The following GART variants were observed in gnomAD, a reference collection of about 807,000 sequenced individuals.
The protein encoded by GART is trifunctional purine biosynthetic protein adenosine-3.
GART carries 43 observed loss-of-function variants against 107.2 expected under a neutral mutation model. That is an observed-to-expected ratio of 0.40 (90% CI 0.31 to 0.52). The LOEUF (loss-of-function observed/expected upper bound fraction) is 0.52, where lower values mean the gene tolerates loss of function less well. Ranked by LOEUF, GART falls within the 20% of genes least tolerant of loss-of-function variation. GART has a pLI of 0.52. For missense variants in GART, 1,107 were observed against 1,206.5 expected, an observed-to-expected ratio of 0.92 and a Z score of 1.22; for synonymous variants, 434 against 427.0, an observed-to-expected ratio of 1.02 and a Z score of -0.20.
intron 2 of GART, among the ~76,000 whole-genome samples, chr21:33,537,807 C>T (rs865780987): frequency 6.6e-6 from 1 of 152,138 alleles, no homozygotes; most frequent in African/African-American, 2.4e-5. Flanking sequence ...AGAAGACAGA[C>T]TGCACAAAGG....
chr21:33,512,289 G>GAAAAAAAA (rs563178142), intron 16 of GART, among the ~76,000 whole-genome samples: 4 of 65,442 alleles, frequency 6.1e-5, no homozygotes, highest in Admixed American at 2.2e-4. Flanking sequence ...GACTCAAATT[G>GAAAAAAAA]AAAAAAAAAA....
chr21:33,517,231 A>G, intron 15 of GART, 90 bp from the exon 16 acceptor site: 4 of 1,558,880 alleles, frequency 2.6e-6, no homozygotes, highest in Non-Finnish European at 3.5e-6. Flanking sequence ...CCAGCTCTAC[A>G]ATAATGACCA....
chr21:33,508,718 T>G (rs1295395531), intron 18 of GART, among the ~76,000 whole-genome samples: 1 of 152,066 alleles, frequency 6.6e-6, no homozygotes, highest in African/African-American at 2.4e-5. Flanking sequence ...GGTTTCACCA[T>G]GTTGGCCAGG....
chr21:33,510,610 G>A (rs1284346036), intron 17 of GART, among the ~76,000 whole-genome samples: 3 of 152,086 alleles, frequency 2.0e-5, no homozygotes, highest in East Asian at 3.9e-4. Context: ...GATTACAGGC[G>A]TGAGCCACCA....
intron 17 of GART, chr21:33,510,188 G>C (rs779138144): frequency 1.4e-4 from 43 of 316,394 alleles, no homozygotes; most frequent in Non-Finnish European, 2.3e-4. Flanking sequence ...ATGACTGCCT[G>C]CCAGTATTCT....
chr21:33,515,667 A>AC (rs1429835054), intron 16 of GART, among the ~76,000 whole-genome samples: 2 of 150,944 alleles, frequency 1.3e-5, no homozygotes, highest in African/African-American at 2.4e-5. Flanking sequence ...AAAAAAAAAA[A>AC]AAAAAAAACG....
intron 16 of GART, among the ~76,000 whole-genome samples, chr21:33,515,652 CAAAAAAAAAAAA>C (rs71194850): frequency 5.6e-5 from 2 of 35,854 alleles, no homozygotes; most frequent in South Asian, 3.1e-3. Context: ...GACTCCAACT[CAAAAAAAAAAAA>C]AAAAAAAAAA....
chr21:33,515,975 C>T (rs1297876090), intron 16 of GART, among the ~76,000 whole-genome samples: 2 of 151,880 alleles, frequency 1.3e-5, no homozygotes, highest in Non-Finnish European at 2.9e-5. Flanking sequence ...GGGCCGGGCG[C>T]GGTGGCTCAT....
intron 1 of GART, among the ~76,000 whole-genome samples, chr21:33,540,797 A>ACAT (rs1177955173): frequency 6.6e-6 from 1 of 152,212 alleles, no homozygotes; most frequent in Non-Finnish European, 1.5e-5. Context: ...TACAAAACTA[A>ACAT]CATTTTTTTG....
At chr21:33,529,306 TA>T (rs2085137369) in intron 7 of GART, among the ~76,000 whole-genome samples, 1 of 152,216 alleles carries the variant, frequency 6.6e-6, no homozygotes, top group African/African-American at 2.4e-5. Flanking sequence ...AATTTAATTG[TA>T]AAAATTAGAC....
At chr21:33,525,714 A>G (rs1031751903) in intron 10 of GART, among the ~76,000 whole-genome samples, 1 of 151,936 alleles carries the variant, frequency 6.6e-6, no homozygotes, top group Admixed American at 6.6e-5. Context: ...TAGTAATTAG[A>G]CCTTTCTCCT....
intron 2 of GART, among the ~76,000 whole-genome samples, chr21:33,538,382 C>G (rs2085343987): frequency 1.3e-5 from 2 of 151,890 alleles, no homozygotes; most frequent in Non-Finnish European, 2.9e-5. Flanking sequence ...ATGTGCACCA[C>G]CATGCCTGGC....
In GART at chr21:33,504,034, T is replaced by C; in HGVS notation, c.*90A>G. On this transcript the variant is annotated 3_prime_UTR_variant, in exon 22 of 22. Coordinates refer to ENST00000381815, the MANE Select transcript of GART (RefSeq NM_000819.5). ...AGGTCTTTTTTGTCTTTTAGCAGTTTTTCTTTTGGGCCAAGTCCATGATAA... is the reference window on the plus strand; with the variant it reads ...AGGTCTTTTTTGTCTTTTAGCAGTTCTTCTTTTGGGCCAAGTCCATGATAA... 8.0e-7 allele frequency: 1 copy of C among 1,247,312 alleles called. No homozygotes were observed. The highest frequency in any genetic ancestry group is 1.1e-6 in the Non-Finnish European group (1 of 908,394). 77.3% of individuals were successfully genotyped at this position (1,247,312 alleles called of 1,614,324 possible).
chr21:33,511,959 C>G (rs1321915001), intron 16 of GART, among the ~76,000 whole-genome samples: 1 of 151,934 alleles, frequency 6.6e-6, no homozygotes, highest in Non-Finnish European at 1.5e-5. Context: ...TTTAGACTTC[C>G]TAGGTCTGCT....
chr21:33,535,941 T>C (rs1388555906), intron 2 of GART, among the ~76,000 whole-genome samples: 1 of 151,756 alleles, frequency 6.6e-6, no homozygotes, highest in African/African-American at 2.4e-5. Flanking sequence ...GACAGGAGAA[T>C]CGCTTGAACT....
chr21:33,524,241 T>C, intron 11 of GART: 1 of 985,718 alleles, frequency 1.0e-6, no homozygotes, highest in Non-Finnish European at 1.2e-6. Flanking sequence ...CACTATGTGA[T>C]AACGCAAGGA....
chr21:33,538,757 A>G (rs962960290), intron 2 of GART, among the ~76,000 whole-genome samples: 1 of 152,148 alleles, frequency 6.6e-6, no homozygotes, highest in Admixed American at 6.5e-5. Flanking sequence ...GGTCAAGGAA[A>G]GCACTCAACC....
chr21:33,536,924 T>C (rs1203939506), intron 2 of GART, among the ~76,000 whole-genome samples: 1 of 152,222 alleles, frequency 6.6e-6, no homozygotes, highest in Non-Finnish European at 1.5e-5. Flanking sequence ...TGTGGGTAAC[T>C]GAAACTGTGG....
intron 18 of GART, among the ~76,000 whole-genome samples, chr21:33,506,818 G>T (rs927270500): frequency 1.3e-5 from 2 of 152,106 alleles, no homozygotes; most frequent in Non-Finnish European, 2.9e-5. Flanking sequence ...ATAAAAAGGT[G>T]CTCAACATCA....
Sources: gnomAD v4.1 joint callset for allele counts (sites outside exome capture counted in the v4.1 genomes callset) on GRCh38, gnomAD v4.1.1 for gene constraint, MANE v1.5 for transcripts, NCBI Gene and HGNC (gene_info 2026-07-23, HGNC 2026-07-21) for gene names.